The following XPR1 variants were observed in gnomAD, a reference collection of about 807,000 sequenced individuals.
The protein encoded by XPR1 is xenotropic and polytropic retrovirus receptor 1.
Under a neutral mutation model 87.5 loss-of-function variants are expected in XPR1, and 28 were observed. The ratio of observed to expected loss-of-function variants is 0.32; its 90% CI spans 0.24 to 0.44. The LOEUF is 0.44. XPR1 is among the 20% of genes least tolerant of loss of function. XPR1 has a pLI of 1.00. For synonymous variants in XPR1, 300 were observed against 306.1 expected (o/e 0.98, Z 0.21); for missense variants, 559 against 862.3 (o/e 0.65, Z 4.41).
intron 11 of XPR1, among the ~76,000 whole-genome samples, chr1:180,857,813 A>G (rs1477050079): frequency 6.6e-6 from 1 of 152,124 alleles, no homozygotes; most frequent in Non-Finnish European, 1.5e-5. Context: ...TTTTGGAGTT[A>G]GTCTTTAGTA....
chr1:180,652,487 T>C (rs1160160555), intron 1 of XPR1, among the ~76,000 whole-genome samples: 1 of 152,240 alleles, frequency 6.6e-6, no homozygotes, highest in African/African-American at 2.4e-5. Context: ...CTGTCTGATC[T>C]GCTCCAGCCT....
intron 2 of XPR1, among the ~76,000 whole-genome samples, chr1:180,768,283 A>G (rs1013752021): frequency 3.9e-5 from 6 of 151,916 alleles, no homozygotes; most frequent in African/African-American, 1.2e-4. Context: ...TGTCCTGTTC[A>G]TATCTTTCTA....
chr1:180,829,647 A>G (rs1302825441), intron 9 of XPR1, among the ~76,000 whole-genome samples: 1 of 152,228 alleles, frequency 6.6e-6, no homozygotes, highest in African/African-American at 2.4e-5. Flanking sequence ...GTGGATCATT[A>G]AGGCCTGTAA....
intron 1 of XPR1, among the ~76,000 whole-genome samples, chr1:180,678,276 CCTT>C (rs969235123): frequency 6.6e-5 from 10 of 152,296 alleles, no homozygotes; most frequent in South Asian, 4.1e-4. Flanking sequence ...AGTCTTCAAT[CCTT>C]CTCCCTTCTT....
At chr1:180,748,400 CTTTTTTTTTTTTTTTTTTT>C (rs71297873) in intron 2 of XPR1, among the ~76,000 whole-genome samples, 16 of 29,678 alleles carry the variant, frequency 5.4e-4, no homozygotes, top group East Asian at 1.6e-3. Flanking sequence ...TTATTTATGT[CTTTTTTTTTTTTTTTTTTT>C]TTTTTTTTTT....
chr1:180,730,856 G>A (rs554892778), intron 2 of XPR1, among the ~76,000 whole-genome samples: 1 of 151,570 alleles, frequency 6.6e-6, no homozygotes, highest in Admixed American at 6.6e-5. Context: ...TTGTAGAGAT[G>A]AGGTCTTGCT....
At chr1:180,718,726 T>G (rs1255938388) in intron 2 of XPR1, among the ~76,000 whole-genome samples, 1 of 150,286 alleles carries the variant, frequency 6.7e-6, no homozygotes, top group Non-Finnish European at 1.5e-5. Context: ...TGGAGTGCAG[T>G]GGCGCAATCT....
rs566323091 is a variant in XPR1 at position 180,665,556 on chromosome 1, A to G, written c.70-16804A>G. ...TGAAACTCAAGTTCCTGCTACTAGG[A>G]TAGGCTATTCCTTTCTGGCTAGGGC... On this transcript the variant is annotated intron_variant, in intron 1 of 14. Transcript: ENST00000367590. Among the ~76,000 whole-genome samples, 442 of 152,302 alleles carry G rather than the reference A, an allele frequency of 2.9e-3. 3 individuals are homozygous for G. The highest frequency in any genetic ancestry group is 9.6e-3 in the African/African-American group (400 of 41,564).
intron 1 of XPR1, among the ~76,000 whole-genome samples, chr1:180,642,308 T>A (rs1453936353): frequency 6.6e-6 from 1 of 152,146 alleles, no homozygotes; most frequent in Non-Finnish European, 1.5e-5. Flanking sequence ...GAAGAGTGTA[T>A]CCTTTACCTG....
intron 2 of XPR1, among the ~76,000 whole-genome samples, chr1:180,744,619 T>C (rs1365118199): frequency 6.6e-6 from 1 of 151,608 alleles, no homozygotes. Context: ...TATAGAGTGT[T>C]GAGTGACTTG....
intron 12 of XPR1, among the ~76,000 whole-genome samples, chr1:180,866,850 T>A (rs1652412883): frequency 7.0e-6 from 1 of 142,298 alleles, no homozygotes; most frequent in Non-Finnish European, 1.5e-5. Flanking sequence ...TTAGGGTACA[T>A]GTGCACATTG....
At chr1:180,856,579 T>A (rs1246982457) in intron 11 of XPR1, among the ~76,000 whole-genome samples, 1 of 152,218 alleles carries the variant, frequency 6.6e-6, no homozygotes, top group Non-Finnish European at 1.5e-5. Context: ...TTTTTTTTCC[T>A]AAGCATGCTT....
At chr1:180,698,617 G>C (rs1425806138) in intron 2 of XPR1, among the ~76,000 whole-genome samples, 1 of 152,090 alleles carries the variant, frequency 6.6e-6, no homozygotes, top group Non-Finnish European at 1.5e-5. Flanking sequence ...TTATACTTCA[G>C]TGTGTTTTCA....
In XPR1 at chr1:180,805,442, A is replaced by G. The variant is rs575733355; in HGVS notation, c.448-620A>G. Among the ~76,000 whole-genome samples the G allele has an allele frequency of 2.0e-5, 3 of 152,332 alleles. No individual in the cohort carries two copies. The East Asian group carries it at 5.8e-4, about 29-fold the overall frequency. On this transcript the variant is annotated intron_variant, in intron 4 of 14. Coordinates refer to ENST00000367590, the MANE Select transcript of XPR1 (RefSeq NM_004736.4). ...TGAGGAAAAATAGGGACTTCTACCC[A>G]TTATAAACTGAACCCTGTAAGTATG... is the stretch of plus-strand genomic sequence containing the variant.
At chr1:180,737,877 T>G (rs1658780042) in intron 2 of XPR1, among the ~76,000 whole-genome samples, 1 of 152,168 alleles carries the variant, frequency 6.6e-6, no homozygotes, top group Admixed American at 6.5e-5. Context: ...TGTTTCCAGT[T>G]TTTGGTGATT....
chr1:180,712,713 G>A (rs1257359293), intron 2 of XPR1, among the ~76,000 whole-genome samples: 2 of 151,944 alleles, frequency 1.3e-5, no homozygotes, highest in African/African-American at 4.8e-5. Flanking sequence ...GGCTGAGACA[G>A]GAGAATCGCT....
chr1:180,652,865 C>T (rs1055886875), intron 1 of XPR1, among the ~76,000 whole-genome samples: 5 of 152,156 alleles, frequency 3.3e-5, no homozygotes, highest in Non-Finnish European at 7.4e-5. Flanking sequence ...GCATGCGTTT[C>T]GGAGCTGCTT....
chr1:180,739,942 C>T (rs985789693), intron 2 of XPR1, among the ~76,000 whole-genome samples: 1 of 152,010 alleles, frequency 6.6e-6, no homozygotes, highest in African/African-American at 2.4e-5. Flanking sequence ...GAACTCCTGA[C>T]CTCAAGTGAT....
intron 2 of XPR1, among the ~76,000 whole-genome samples, chr1:180,686,499 G>A (rs1487306013): frequency 2.6e-5 from 4 of 152,116 alleles, no homozygotes. Context: ...ATGTCTATTA[G>A]GTCCGCTTGG....
Sources: gnomAD v4.1 joint callset for allele counts (sites outside exome capture counted in the v4.1 genomes callset) on GRCh38, gnomAD v4.1.1 for gene constraint, MANE v1.5 for transcripts, NCBI Gene and HGNC (gene_info 2026-07-23, HGNC 2026-07-21) for gene names.